Variants in CRIPT observed in about 807,000 individuals in gnomAD.
CRIPT encodes the protein CXXC repeat containing interactor of PDZ3 domain, also known as cysteine-rich PDZ-binding protein.
In CRIPT, 20 loss-of-function variants were observed where a neutral mutation model predicts 16.6. The ratio of observed to expected loss-of-function variants is 1.20; its 90% CI spans 0.85 to 1.75. CRIPT has a LOEUF of 1.75. Ranked by LOEUF, CRIPT falls within the 40% of genes most tolerant of loss-of-function variation. CRIPT has a pLI of 0.00. For missense variants in CRIPT, 133 were observed against 115.3 expected (o/e 1.15, Z -0.70); for synonymous variants, 42 against 37.0 (o/e 1.14, Z -0.49).
chr2:46,623,819 G>C lies in CRIPT; in HGVS notation c.193G>C (p.Val65Leu), dbSNP rs2104174591. Residue 65 changes from valine (V) to leucine (L), a missense_variant, in exon 4 of 5, where the codon GTG becomes CTG. Transcript: ENST00000238892. ...FSTCRICKSS[V>L]HQPGSHYCQG... is the part of the protein sequence containing the mutation. ...CACTTGTAGAATTTGTAAAAGTTCT[G>C]TGCACCAACCAGGTTCTCATTACTG... 6.2e-7 allele frequency: 1 copy of C among 1,610,926 alleles called. No individual in the cohort carries two copies. Among genetic ancestry groups the C allele is most frequent in the South Asian group, 1.1e-5 (1 of 90,724 alleles).
chr2:46,623,743 C>T lies in CRIPT; in HGVS notation c.138-21C>T, dbSNP rs769564437. On this transcript the variant is annotated intron_variant, in intron 3 of 4. Transcript: ENST00000238892. ...TTTCTAGTGTAATATACAATTTTCT[C>T]TCTTTAAAAAAAATTTCTAGATTTG... The T allele has an allele frequency of 2.1e-6, 3 of 1,430,286 alleles. 1 individual carries two copies. The South Asian group carries it at 3.5e-5, about 17-fold the overall frequency. 88.6% of individuals were successfully genotyped at this position (1,430,286 alleles called of 1,614,324 possible).
intron 1 of CRIPT, 126 bp downstream of exon 1, chr2:46,617,424 C>T (rs564435573): frequency 9.2e-7 from 1 of 1,084,968 alleles, no homozygotes; most frequent in South Asian, 1.6e-5. Context: ...CGCTGTCTTT[C>T]TACCCTACCC....
chr2:46,624,286 A>C lies in CRIPT; in HGVS notation c.*59A>C, dbSNP rs917854971. 5 of 1,110,808 alleles carry C rather than the reference A, an allele frequency of 4.5e-6. No homozygotes were observed. The highest frequency in any genetic ancestry group is 6.5e-6 in the Non-Finnish European group (5 of 771,624). The allele number at this position is 1,110,808 out of a possible 1,614,324, so 68.8% of individuals were successfully genotyped here. ...TTTTACTTTCTGCCTTGAATTTTCAAGGCATAGATGTCAACTTACAGAATA... is the reference window on the plus strand; with the variant it reads ...TTTTACTTTCTGCCTTGAATTTTCACGGCATAGATGTCAACTTACAGAATA... On this transcript the variant is annotated 3_prime_UTR_variant, in exon 5 of 5. Coordinates refer to ENST00000238892, the MANE Select transcript of CRIPT (RefSeq NM_014171.6).
At chr2:46,617,883 T>A (rs1164165551) in intron 1 of CRIPT, among the ~76,000 whole-genome samples, 4 of 151,944 alleles carry the variant, frequency 2.6e-5, no homozygotes, top group African/African-American at 9.7e-5. Context: ...TTCAGGACCC[T>A]CCACACTAAG....
rs541484189 is a variant in CRIPT at position 46,627,190 on chromosome 2, T to C, written c.*2963T>C. On this transcript the variant is annotated 3_prime_UTR_variant, in exon 5 of 5. Coordinates refer to ENST00000238892, the MANE Select transcript of CRIPT (RefSeq NM_014171.6). ...TTTAGTTCCTTATAGATTTTGGACATTAGACCTTTTTCAGATGCACAGTTT... is the reference window on the plus strand; with the variant it reads ...TTTAGTTCCTTATAGATTTTGGACACTAGACCTTTTTCAGATGCACAGTTT... 6.6e-5 allele frequency among the ~76,000 whole-genome samples: 10 copies of C among 152,322 alleles called. No individual in the cohort carries two copies. In the East Asian group the frequency reaches 1.9e-3, roughly 29 times the overall value.
Position 46,621,152 on chromosome 2 carries a change from A to G in CRIPT, c.137+1471A>G, listed in dbSNP as rs146803042. Among the ~76,000 whole-genome samples the G allele has an allele frequency of 1.2e-4, 19 of 152,324 alleles. No homozygotes were observed. The East Asian group carries it at 3.7e-3, about 29-fold the overall frequency. On this transcript the variant is annotated intron_variant, in intron 3 of 4. Coordinates refer to ENST00000238892, the MANE Select transcript of CRIPT (RefSeq NM_014171.6). Reference sequence around the variant, plus strand: ...CATAGTAACGAGAGTGATCCTTTACAAAGTTCCTTTGCTTAAAATCCGCCA... The same window carrying G: ...CATAGTAACGAGAGTGATCCTTTACGAAGTTCCTTTGCTTAAAATCCGCCA...
At chr2:46,618,143 T>C (rs1301688221) in intron 1 of CRIPT, among the ~76,000 whole-genome samples, 1 of 151,842 alleles carries the variant, frequency 6.6e-6, no homozygotes, top group Non-Finnish European at 1.5e-5. Flanking sequence ...GCTAGGGTTA[T>C]TTCTTCCTGC....
chr2:46,623,906 G>C (rs919030540), intron 4 of CRIPT, 39 bp downstream of exon 4: 3 of 1,373,636 alleles, frequency 2.2e-6, no homozygotes, highest in African/African-American at 2.9e-5. Context: ...TCATAAAACC[G>C]ACTTCATTTG....
At chr2:46,623,444 CTT>C (rs528884784) in intron 3 of CRIPT, among the ~76,000 whole-genome samples, 1 of 152,170 alleles carries the variant, frequency 6.6e-6, no homozygotes, top group Non-Finnish European at 1.5e-5. Flanking sequence ...ATCAGTCACT[CTT>C]TTTGCACCCA....
chr2:46,619,693 G>A lies in CRIPT; in HGVS notation c.137+12G>A. 8 of 1,602,888 alleles carry A rather than the reference G, an allele frequency of 5.0e-6. No individual in the cohort carries two copies. Among genetic ancestry groups the A allele is most frequent in the Non-Finnish European group, 6.0e-6 (7 of 1,172,390 alleles). On this transcript the variant is annotated intron_variant, in intron 3 of 4. Coordinates refer to ENST00000238892, the MANE Select transcript of CRIPT (RefSeq NM_014171.6). ...TCAAAAAAAGCAAGGTGGGTAAGAGGATCCATCGATGGGTCACATAAATTT... is the reference window on the plus strand; with the variant it reads ...TCAAAAAAAGCAAGGTGGGTAAGAGAATCCATCGATGGGTCACATAAATTT...
At position 46,628,031 on chromosome 2, in the gene CRIPT, A is replaced by G. The variant is rs1670980882; in HGVS notation, c.*3804A>G. Among the ~76,000 whole-genome samples, 1 of 151,752 alleles carries G rather than the reference A, an allele frequency of 6.6e-6. No homozygotes were observed. The highest frequency in any genetic ancestry group is 2.4e-5 in the African/African-American group (1 of 41,332). On this transcript the variant is annotated 3_prime_UTR_variant, in exon 5 of 5. Transcript: ENST00000238892. The stretch of plus-strand genomic sequence containing the variant: ...GCTTCCTTATAGTATAGTTTAACTC[A>G]GGTAATGTGATACCTCAGCTTTGTT...
rs1670950396 is a variant in CRIPT at position 46,626,848 on chromosome 2, T to A, written c.*2621T>A. 6.6e-6 allele frequency among the ~76,000 whole-genome samples: 1 copy of A among 152,150 alleles called. No homozygotes were observed. Among genetic ancestry groups the A allele is most frequent in the Admixed American group, 6.5e-5 (1 of 15,270 alleles). ...GTGTATTTTTGTTTTTGTTTTTGTT[T>A]TGAGATGGAGTTTCACTGTTGTCAC... On this transcript the variant is annotated 3_prime_UTR_variant, in exon 5 of 5. Coordinates refer to ENST00000238892, the MANE Select transcript of CRIPT (RefSeq NM_014171.6).
intron 3 of CRIPT, among the ~76,000 whole-genome samples, chr2:46,621,446 A>G (rs76443679): frequency 0.017 from 2,546 of 152,288 alleles, 76 homozygotes; most frequent in African/African-American, 0.056. Context: ...AGTTTCCCTA[A>G]TCAGCATCTA....
chr2:46,620,774 G>C (rs1021711343), intron 3 of CRIPT, among the ~76,000 whole-genome samples: 2 of 150,046 alleles, frequency 1.3e-5, no homozygotes, highest in African/African-American at 2.4e-5. Context: ...CCTCTGGCCT[G>C]ACTTCTCTGA....
chr2:46,618,157 G>A (rs1043932084), intron 1 of CRIPT, among the ~76,000 whole-genome samples: 10 of 151,356 alleles, frequency 6.6e-5, no homozygotes, highest in African/African-American at 2.4e-4. Flanking sequence ...TTCCTGCATG[G>A]AATTTCTTCT....
rs903118188 is a variant in CRIPT at position 46,629,296 on chromosome 2, A to G, written c.*5069A>G. On this transcript the variant is annotated 3_prime_UTR_variant, in exon 5 of 5. Coordinates refer to ENST00000238892, the MANE Select transcript of CRIPT (RefSeq NM_014171.6). Reference sequence around the variant, plus strand: ...ACCCATTAGAAAGTATATTGTAGACATCATACTCTTTACCCTTTAACACTA... The same window carrying G: ...ACCCATTAGAAAGTATATTGTAGACGTCATACTCTTTACCCTTTAACACTA... Among the ~76,000 whole-genome samples, 1 of 152,220 alleles carries G rather than the reference A, an allele frequency of 6.6e-6. No homozygotes were observed.
rs994684981 is a variant in CRIPT, at chr2:46,628,697, C to T, written c.*4470C>T. On this transcript the variant is annotated 3_prime_UTR_variant, in exon 5 of 5. Transcript: ENST00000238892. The stretch of plus-strand genomic sequence containing the variant: ...CTATGAAGATTTTTGTTGTATTGTA[C>T]CTCAGAACCATCTCCATATTCTCTA... Among the ~76,000 whole-genome samples, 12 of 152,070 alleles carry T rather than the reference C, an allele frequency of 7.9e-5. No individual in the cohort carries two copies. Among genetic ancestry groups the T allele is most frequent in the African/African-American group, 1.2e-4 (5 of 41,388 alleles).
chr2:46,623,740 TC>T (rs1282726792), intron 3 of CRIPT, 23 bp from the exon 4 acceptor site: 3 of 1,381,216 alleles, frequency 2.2e-6, no homozygotes, highest in Admixed American at 1.8e-5. Flanking sequence ...TATACAATTT[TC>T]TCTCTTTAAA....
At chr2:46,619,403 C>T (rs1670750600) in intron 2 of CRIPT, among the ~76,000 whole-genome samples, 1 of 151,702 alleles carries the variant, frequency 6.6e-6, no homozygotes, top group African/African-American at 2.4e-5. Context: ...TCCTAAAGTA[C>T]TCCCTTGAGT....
Sources: allele counts gnomAD v4.1 joint callset (sites outside exome capture counted in the v4.1 genomes callset), GRCh38; gene constraint gnomAD v4.1.1; transcripts MANE v1.5; gene names NCBI Gene and HGNC (gene_info 2026-07-23, HGNC 2026-07-21).